PPP2R3B: variants seen among roughly 807,000 people sequenced by gnomAD.
PPP2R3B encodes serine/threonine-protein phosphatase 2A regulatory subunit B'' subunit beta.
In PPP2R3B, 68 loss-of-function variants were observed where a neutral mutation model predicts 72.9. The observed-to-expected ratio is 0.93, with a 90% confidence interval of 0.77 to 1.14. PPP2R3B has a LOEUF of 1.14. Ranked by LOEUF, PPP2R3B falls within the 50% of genes most tolerant of loss-of-function variation. The probability of loss-of-function intolerance (pLI) is 0.00; values close to 1 mark genes in which losing one functional copy is unlikely to be tolerated. For missense variants in PPP2R3B, 1,018 were observed against 842.0 expected (o/e 1.21, Z -2.59); for synonymous variants, 466 against 375.8 (o/e 1.24, Z -2.78).
Position 345,568 on chromosome X carries a change from C to T in PPP2R3B, c.984G>A (p.Thr328=), listed in dbSNP as rs2071184918. Residue 328 remains threonine, a synonymous_variant, in exon 7 of 13, where the codon ACG becomes ACA. Transcript: ENST00000390665. ...VIYCKFWELD[T]DHDLLIDADD... Reference sequence around the variant, plus strand: ...CCGCGTCGATGAGCAGGTCGTGGTCCGTGTCCAGCTCCCAGAACTTGCAGT... The same window carrying T: ...CCGCGTCGATGAGCAGGTCGTGGTCTGTGTCCAGCTCCCAGAACTTGCAGT... The T allele has an allele frequency of 4.3e-6, 7 of 1,613,274 alleles. No individual in the cohort carries two copies. Among genetic ancestry groups the T allele is most frequent in the Non-Finnish European group, 5.9e-6 (7 of 1,179,554 alleles).
chrX:337,839 G>C (rs1364998474), intron 12 of PPP2R3B: 1 of 152,820 alleles, frequency 6.5e-6, no homozygotes, highest in African/African-American at 2.4e-5. Flanking sequence ...TGCTGGGACA[G>C]TCGGACACCC....
intron 10 of PPP2R3B, 42 bp downstream of exon 10, chrX:340,723 G>A (rs770064089): frequency 1.1e-5 from 17 of 1,605,986 alleles, no homozygotes; most frequent in Admixed American, 5.0e-5. Context: ...CCTCTCGCCC[G>A]TCCGTCCCCT....
At chrX:355,470 A>C (rs2738336) in intron 2 of PPP2R3B, among the ~76,000 whole-genome samples, 43,394 of 151,918 alleles carry the variant, frequency 0.29, 6,654 homozygotes, top group East Asian at 0.38. Context: ...CTGTCGTAGC[A>C]ACGGAGGGAC....
chrX:368,163 C>A (rs1448837832), intron 1 of PPP2R3B, among the ~76,000 whole-genome samples: 3 of 149,726 alleles, frequency 2.0e-5, no homozygotes, highest in African/African-American at 7.5e-5. Context: ...CGGGGAAGGC[C>A]GGGACCACCC....
At chrX:341,518 C>CCCTCCTGCCCCT (rs202062296) in intron 8 of PPP2R3B, 122 bp from the exon 9 acceptor site, 12 of 954,752 alleles carry the variant, frequency 1.3e-5, no homozygotes, top group South Asian at 1.1e-4. Context: ...CCTCCTGCCC[C>CCCTCCTGCCCCT]CCTCCTGCCC....
intron 1 of PPP2R3B, among the ~76,000 whole-genome samples, chrX:379,109 G>A (rs1390699987): frequency 1.3e-5 from 2 of 149,668 alleles, no homozygotes; most frequent in East Asian, 2.0e-4. Flanking sequence ...GTATGCACCT[G>A]TGTGTGCACC....
intron 1 of PPP2R3B, among the ~76,000 whole-genome samples, chrX:381,282 C>A (rs1334295992): frequency 6.6e-6 from 1 of 152,130 alleles, no homozygotes; most frequent in African/African-American, 2.4e-5. Flanking sequence ...GGAGCCACTG[C>A]AAGCACCCCT....
Position 346,471 on chromosome X carries a change from T to A in PPP2R3B, c.793-211A>T, listed in dbSNP as rs754665327. 176 of 628,086 alleles carry A rather than the reference T, an allele frequency of 2.8e-4. No individual in the cohort carries two copies. In the African/African-American group the frequency reaches 3.1e-3, roughly 11 times the overall value. 38.9% of individuals were successfully genotyped at this position (628,086 alleles called of 1,614,324 possible). A position where few individuals can be genotyped will look rare whatever the true frequency, so the allele number is the denominator to read the frequency against. Reference sequence around the variant, plus strand: ...GGTCTGGCCGGGGACGCCCCGGAGCTACACGGGCCCAGGACAGGTGGGAAG... The same window carrying A: ...GGTCTGGCCGGGGACGCCCCGGAGCAACACGGGCCCAGGACAGGTGGGAAG... On this transcript the variant is annotated intron_variant, in intron 5 of 12. Transcript: ENST00000390665.
At chrX:363,242 T>C (rs2071581343) in intron 1 of PPP2R3B, among the ~76,000 whole-genome samples, 1 of 142,756 alleles carries the variant, frequency 7.0e-6, no homozygotes, top group South Asian at 2.1e-4. Flanking sequence ...CCACAGTGCA[T>C]CTCCCCGAGC....
At chrX:368,546 C>T (rs2071780343) in intron 1 of PPP2R3B, among the ~76,000 whole-genome samples, 1 of 130,688 alleles carries the variant, frequency 7.7e-6, no homozygotes, top group Admixed American at 7.4e-5. Flanking sequence ...GGACCACCCA[C>T]CCCGGGCACC....
At chrX:361,121 C>A (rs1292691903) in intron 2 of PPP2R3B, among the ~76,000 whole-genome samples, 2 of 152,178 alleles carry the variant, frequency 1.3e-5, no homozygotes, top group African/African-American at 4.8e-5. Flanking sequence ...ACAGGGCGGG[C>A]CTGCGCTCTT....
intron 2 of PPP2R3B, among the ~76,000 whole-genome samples, chrX:355,443 C>A (rs2071416090): frequency 6.6e-6 from 1 of 152,216 alleles, no homozygotes; most frequent in Non-Finnish European, 1.5e-5. Flanking sequence ...ACAGGATGCC[C>A]ATGTAATCCC....
intron 1 of PPP2R3B, among the ~76,000 whole-genome samples, chrX:376,164 C>G (rs757507324): frequency 4.5e-4 from 68 of 151,276 alleles, no homozygotes; most frequent in African/African-American, 1.6e-3. Flanking sequence ...GCACTGCAGC[C>G]TGGGGGACAA....
chrX:365,149 G>A (rs1381355735), intron 1 of PPP2R3B, among the ~76,000 whole-genome samples: 1 of 81,484 alleles, frequency 1.2e-5, no homozygotes, highest in Non-Finnish European at 2.6e-5. Flanking sequence ...GGAGGCGGAG[G>A]TTGCAGTGAG....
intron 1 of PPP2R3B, among the ~76,000 whole-genome samples, chrX:380,546 G>A (rs1054169812): frequency 4.6e-5 from 7 of 152,158 alleles, no homozygotes; most frequent in Non-Finnish European, 2.9e-5. Flanking sequence ...AGCACTCTGG[G>A]AGGCTGGGGC....
rs772113961 is a variant in PPP2R3B at position 345,516 on chromosome X, C to T, written c.1036G>A (p.Ala346Thr). ...ADDLARHNDH[A>T]LSTKMIDRIF... ...CGCCCGCCCCTGTGCCCCCACGCACCGTGGTCATTGTGCCGCGCCAGGTCG... is the reference window on the plus strand; with the variant it reads ...CGCCCGCCCCTGTGCCCCCACGCACTGTGGTCATTGTGCCGCGCCAGGTCG... Residue 346 changes from alanine to threonine, a missense_variant and splice_region_variant, in exon 7 of 13, where the codon GCC (alanine) becomes ACC (threonine). Transcript: ENST00000390665. 5.0e-6 allele frequency: 8 copies of T among 1,612,790 alleles called. No homozygotes were observed. Among genetic ancestry groups the T allele is most frequent in the Admixed American group, 1.7e-5 (1 of 59,988 alleles).
In PPP2R3B at chrX:334,400, G is replaced by A. The variant is rs1133528; in HGVS notation, c.1695C>T (p.Tyr565=). The A allele has an allele frequency of 9.5e-3, 15,013 of 1,574,270 alleles. 1,240 individuals carry two copies. In the African/African-American group the frequency reaches 0.18, roughly 19 times the overall value. Residue 565 remains tyrosine, a synonymous_variant, in exon 13 of 13, where the codon TAC becomes TAT. Coordinates refer to ENST00000390665, the MANE Select transcript of PPP2R3B (RefSeq NM_013239.5). ...GCTCCAGGTCCTCGTCCCCGCATGC[G>A]TACTCGTACAGGTCCACGGCGCCCA... ...SPLGAVDLYE[Y]ACGDEDLEPL
chrX:344,865 T>C (rs28360747), intron 7 of PPP2R3B: 10,162 of 310,802 alleles, frequency 0.033, 1,014 homozygotes, highest in African/African-American at 0.21. Context: ...GTATTATGAG[T>C]CGACCACACA....
intron 7 of PPP2R3B, 30 bp from the exon 8 acceptor site, chrX:341,961 C>T (rs372906740): frequency 4.0e-5 from 65 of 1,612,128 alleles, no homozygotes; most frequent in South Asian, 1.6e-4. Flanking sequence ...ATGGGCAGCC[C>T]GCACCGTGCC....
Sources: allele counts gnomAD v4.1 joint callset (sites outside exome capture counted in the v4.1 genomes callset), GRCh38; gene constraint gnomAD v4.1.1; transcripts MANE v1.5; gene names NCBI Gene and HGNC (gene_info 2026-07-23, HGNC 2026-07-21).